MED26: variants seen among roughly 807,000 people sequenced by gnomAD.
The protein encoded by MED26 is mediator of RNA polymerase II transcription subunit 26.
In MED26, 7 loss-of-function variants were observed where a neutral mutation model predicts 43.7. That is an observed-to-expected ratio of 0.16 (90% CI 0.09 to 0.30). MED26 has a LOEUF of 0.30. Ranked by LOEUF, MED26 falls within the 10% of genes least tolerant of loss-of-function variation. The pLI is 1.00. For missense variants in MED26, 784 were observed against 840.6 expected (o/e 0.93, Z 0.83); for synonymous variants, 375 against 371.1 (o/e 1.01, Z -0.12).
intron 1 of MED26, among the ~76,000 whole-genome samples, chr19:16,621,750 G>C (rs536018527): frequency 6.6e-6 from 1 of 152,086 alleles, no homozygotes; most frequent in Non-Finnish European, 1.5e-5. Flanking sequence ...CCCCCAGACT[G>C]TGTTAAGTCA....
chr19:16,607,057 G>A (rs951550144), intron 1 of MED26, among the ~76,000 whole-genome samples: 3 of 152,068 alleles, frequency 2.0e-5, no homozygotes, highest in African/African-American at 4.8e-5. Flanking sequence ...AAATAAGAAC[G>A]TTGGCCAGGC....
rs2086291423 is a variant in MED26 at position 16,628,019 on chromosome 19, C to A, written c.-76G>T. On this transcript the variant is annotated 5_prime_UTR_variant, in exon 1 of 3. The change creates a premature stop within an existing upstream ORF in the 5' untranslated region. Coordinates refer to ENST00000263390, the MANE Select transcript of MED26 (RefSeq NM_004831.5). ...AGGCGGGGGACGGGGGTCACTCACT[C>A]GCCGGCCTCCGGGAGCCGGAGCCGC... The A allele has an allele frequency of 1.1e-6, 1 of 930,268 alleles. No individual in the cohort carries two copies. The highest frequency in any genetic ancestry group is 1.5e-6 in the Non-Finnish European group (1 of 684,740). 57.6% of individuals were successfully genotyped at this position (930,268 alleles called of 1,614,324 possible). A position where few individuals can be genotyped will look rare whatever the true frequency, so the allele number is the denominator to read the frequency against.
In MED26 at chr19:16,609,941, T is replaced by TAA. The variant is rs869040520; in HGVS notation, c.72+17929_72+17930dup. 6.9e-4 allele frequency among the ~76,000 whole-genome samples: 58 copies of TAA among 84,624 alleles called. 1 individual carries two copies. Among genetic ancestry groups the TAA allele is most frequent in the African/African-American group, 9.9e-4 (21 of 21,114 alleles). The allele number at this position is 84,624 out of a possible 152,430, so 55.5% of individuals were successfully genotyped here. ...TATGTTCTTGGACACAAGCACTCTT[T>TAA]AAAAAAAAAAAAAAAAAAAAAAAAA... On this transcript the variant is annotated intron_variant, in intron 1 of 2. Transcript: ENST00000263390.
In MED26 at chr19:16,577,830, G is replaced by A. The variant is rs1203057249; in HGVS notation, c.148-148C>T. The A allele has an allele frequency of 1.7e-6, 1 of 583,582 alleles. No homozygotes were observed. The highest frequency in any genetic ancestry group is 3.0e-6 in the Non-Finnish European group (1 of 338,218). The allele number at this position is 583,582 out of a possible 1,614,324, so 36.2% of individuals were successfully genotyped here. Reference sequence around the variant, plus strand: ...CCAGCTTCCCTGACACAAAACTTCTGGGGATTTCCGGTCCTTTGTGACAAT... The same window carrying A: ...CCAGCTTCCCTGACACAAAACTTCTAGGGATTTCCGGTCCTTTGTGACAAT... On this transcript the variant is annotated intron_variant, in intron 2 of 2. Transcript: ENST00000263390. This position sits in a 1 kb window ranked among gnomAD's most constrained non-coding sequence, Gnocchi z 8.1.
chr19:16,606,563 TAAAATA>T (rs1245041672), intron 1 of MED26, among the ~76,000 whole-genome samples: 6 of 151,782 alleles, frequency 4.0e-5, no homozygotes, highest in African/African-American at 1.5e-4. Flanking sequence ...AAAATAAAAA[TAAAATA>T]AAAATAAAAA....
chr19:16,577,472 G>C lies in MED26; in HGVS notation c.358C>G (p.Pro120Ala). 6.3e-7 allele frequency: 1 copy of C among 1,589,160 alleles called. No individual in the cohort carries two copies. Among genetic ancestry groups the C allele is most frequent in the Non-Finnish European group, 8.6e-7 (1 of 1,164,944 alleles). The change falls in exon 3 of 3, where the codon CCA (proline) becomes GCA (alanine). Residue 120 changes from proline to alanine, a missense_variant. Physicochemically the swap from Pro to Ala is conservative, Grantham distance 27. Coordinates refer to ENST00000263390, the MANE Select transcript of MED26 (RefSeq NM_004831.5). The surrounding 1 kb of genome is among the most constrained non-coding windows in gnomAD (Gnocchi z 8.1). ...NCRPEVGAAGPPRSIHDLKSR... is the reference protein window; with the variant it reads ...NCRPEVGAAGAPRSIHDLKSR... ...TTCAGGTCATGGATGCTCCTGGGTG[G>C]GCCAGCCGCCCCCACCTCCGGCCGG...
Position 16,575,953 on chromosome 19 carries a change from GCCACCTGC to G in MED26, c.*66_*73del. 1 of 1,449,340 alleles carries G rather than the reference GCCACCTGC, an allele frequency of 6.9e-7. No individual in the cohort carries two copies. Among genetic ancestry groups the G allele is most frequent in the Non-Finnish European group, 9.4e-7 (1 of 1,064,248 alleles). The allele number at this position is 1,449,340 out of a possible 1,614,324, so 89.8% of individuals were successfully genotyped here. A position where few individuals can be genotyped will look rare whatever the true frequency, so the allele number is the denominator to read the frequency against. On this transcript the variant is annotated 3_prime_UTR_variant, in exon 3 of 3. Coordinates refer to ENST00000263390, the MANE Select transcript of MED26 (RefSeq NM_004831.5). Reference sequence around the variant, plus strand: ...CAGCGCAGGAGGCAGCTGGGCCCCGGCCACCTGCCCACCTGCCTGCCCGCCCACCCGGC... The same window carrying G: ...CAGCGCAGGAGGCAGCTGGGCCCCGGCCACCTGCCTGCCCGCCCACCCGGC...
intron 1 of MED26, among the ~76,000 whole-genome samples, chr19:16,625,592 G>A (rs1016035197): frequency 1.3e-5 from 2 of 151,226 alleles, no homozygotes; most frequent in African/African-American, 4.9e-5. Context: ...TAAATATCCA[G>A]TAGTGGAGTT....
In MED26 at chr19:16,585,070, T is replaced by A. The variant is rs201334783; in HGVS notation, c.73-6661A>T. Among the ~76,000 whole-genome samples, 29 of 152,284 alleles carry A rather than the reference T, an allele frequency of 1.9e-4. No individual in the cohort carries two copies. The East Asian group carries it at 5.6e-3, about 29-fold the overall frequency. On this transcript the variant is annotated intron_variant, in intron 1 of 2. Transcript: ENST00000263390. Reference sequence around the variant, plus strand: ...CAAGTCTCAGGCCTCCTAACTGATTTGAACTGCACAACACCATCTATCTGG... The same window carrying A: ...CAAGTCTCAGGCCTCCTAACTGATTAGAACTGCACAACACCATCTATCTGG...
chr19:16,602,805 G>T (rs568193787), intron 1 of MED26, among the ~76,000 whole-genome samples: 27 of 152,258 alleles, frequency 1.8e-4, no homozygotes, highest in Middle Eastern at 3.4e-3. Context: ...GTGGAAAGTC[G>T]AACAGTACGT....
rs560512215 is a variant in MED26 at position 16,617,086 on chromosome 19, C to A, written c.72+10786G>T. Among the ~76,000 whole-genome samples the A allele has an allele frequency of 2.6e-5, 4 of 152,282 alleles. No individual in the cohort carries two copies. The South Asian group carries it at 8.3e-4, about 32-fold the overall frequency. ...AACCGTGTTCACAGTGCTCTCAACA[C>A]AGAAGAATCATCACCAGGGTGATGA... On this transcript the variant is annotated intron_variant, in intron 1 of 2. Transcript: ENST00000263390.
At chr19:16,596,492 G>A (rs922860000) in intron 1 of MED26, among the ~76,000 whole-genome samples, 4 of 152,208 alleles carry the variant, frequency 2.6e-5, no homozygotes, top group Non-Finnish European at 4.4e-5. Context: ...GAGTGCATAC[G>A]TGGGACACCT....
chr19:16,621,354 A>C (rs1297041647), intron 1 of MED26, among the ~76,000 whole-genome samples: 1 of 152,250 alleles, frequency 6.6e-6, no homozygotes, highest in African/African-American at 2.4e-5. Flanking sequence ...AGTGCTCAGT[A>C]AACAGCGGCT....
chr19:16,596,761 G>C (rs1160867713), intron 1 of MED26, among the ~76,000 whole-genome samples: 3 of 152,122 alleles, frequency 2.0e-5, no homozygotes, highest in African/African-American at 4.8e-5. Flanking sequence ...CAGGACCTGG[G>C]GTAAGGTCTT....
chr19:16,615,460 C>G (rs536076342), intron 1 of MED26, among the ~76,000 whole-genome samples: 1 of 152,268 alleles, frequency 6.6e-6, no homozygotes, highest in African/African-American at 2.4e-5. Flanking sequence ...AAATTTGGGG[C>G]AGCCAGGCGT....
Position 16,576,091 on chromosome 19 carries a change from A to G in MED26, c.1739T>C (p.Ile580Thr). 1 of 1,613,870 alleles carries G rather than the reference A, an allele frequency of 6.2e-7. No individual in the cohort carries two copies. Among genetic ancestry groups the G allele is most frequent in the Non-Finnish European group, 8.5e-7 (1 of 1,180,018 alleles). ...GTCGTCGCCGTGCGGATCGAGCGATATGCACTGCGTCCAGTCATACCAGTT... is the reference window on the plus strand; with the variant it reads ...GTCGTCGCCGTGCGGATCGAGCGATGTGCACTGCGTCCAGTCATACCAGTT... ...QGNWYDWTQC[I>T]SLDPHGDDGR... Residue 580 changes from isoleucine (I) to threonine (T), a missense_variant, in exon 3 of 3, where the codon ATA (isoleucine) becomes ACA (threonine). Physicochemically the swap from Ile to Thr is moderately conservative, Grantham distance 89. This residue lies in a region of MED26 where 719 missense variants were observed against 730.9 expected (regional missense o/e 0.98). Coordinates refer to ENST00000263390, the MANE Select transcript of MED26 (RefSeq NM_004831.5). This position sits in a 1 kb window ranked among gnomAD's most constrained non-coding sequence, Gnocchi z 6.8.
At chr19:16,582,759 G>A (rs1466621818) in intron 1 of MED26, among the ~76,000 whole-genome samples, 1 of 152,240 alleles carries the variant, frequency 6.6e-6, no homozygotes, top group Middle Eastern at 3.2e-3. Flanking sequence ...GTGGCAGAAC[G>A]AGCTGTGTCC....
intron 1 of MED26, chr19:16,588,777 C>G (rs1298616293): frequency 6.6e-6 from 1 of 152,238 alleles, no homozygotes; most frequent in Non-Finnish European, 1.5e-5. Context: ...CCTCAGAGGC[C>G]CATTGAGAGA....
At position 16,612,146 on chromosome 19, in the gene MED26, A is replaced by G. The variant is rs796837366; in HGVS notation, c.72+15726T>C. The G allele has an allele frequency of 3.0e-4, 45 of 152,326 alleles. 1 individual carries two copies. The highest frequency in any genetic ancestry group is 1.1e-3 in the African/African-American group (44 of 41,550). 9.4% of individuals were successfully genotyped at this position (152,326 alleles called of 1,614,324 possible). ...AGATAAAACAGCAACCCGCTGGCTT[A>G]ACATCCAGTCTTGATTACCCACCAA... On this transcript the variant is annotated intron_variant, in intron 1 of 2. Transcript: ENST00000263390.
Sources: allele counts gnomAD v4.1 joint callset (sites outside exome capture counted in the v4.1 genomes callset), GRCh38; gene constraint gnomAD v4.1.1; regional missense constraint gnomAD v4.1.1; non-coding constraint Gnocchi (gnomAD v3.1); transcripts MANE v1.5; gene names NCBI Gene and HGNC (gene_info 2026-07-23, HGNC 2026-07-21).